CHMP3: variants seen among roughly 807,000 people sequenced by gnomAD.
The protein encoded by CHMP3 is charged multivesicular body protein 3, also known as 25.1 protein.
CHMP3 carries 8 observed loss-of-function variants against 27.4 expected under a neutral mutation model. The observed-to-expected ratio is 0.29, with a 90% CI of 0.17 to 0.53. CHMP3 has a LOEUF of 0.53. CHMP3 is among the 20% of genes least tolerant of loss of function. CHMP3 has a pLI of 0.96. For synonymous variants in CHMP3, 86 were observed against 85.5 expected (o/e 1.01, Z -0.03); for missense variants, 208 against 271.5 (o/e 0.77, Z 1.64).
intron 2 of CHMP3, among the ~76,000 whole-genome samples, chr2:86,538,837 C>T (rs544124310): frequency 8.5e-5 from 13 of 152,210 alleles, no homozygotes; most frequent in Non-Finnish European, 1.5e-4. Flanking sequence ...CTTTAAGTTG[C>T]TATTATTTTT....
intron 1 of CHMP3, among the ~76,000 whole-genome samples, chr2:86,547,269 G>A (rs954576723): frequency 4.6e-5 from 7 of 152,102 alleles, no homozygotes; most frequent in East Asian, 3.8e-4. Flanking sequence ...TTGATTGCAC[G>A]GAATACAAGA....
At chr2:86,562,981 G>C in intron 1 of CHMP3, 1 of 266,528 alleles carries the variant, frequency 3.8e-6, no homozygotes, top group East Asian at 7.0e-5. Flanking sequence ...AAAAGGTTCC[G>C]GGCGGGTCGT....
At chr2:86,556,798 C>A (rs1291478799) in intron 1 of CHMP3, among the ~76,000 whole-genome samples, 2 of 152,200 alleles carry the variant, frequency 1.3e-5, no homozygotes, top group Non-Finnish European at 2.9e-5. Context: ...TCCTCGGGGT[C>A]TGTGAGCAGC....
intron 1 of CHMP3, among the ~76,000 whole-genome samples, chr2:86,560,219 C>T (rs549322840): frequency 1.3e-5 from 2 of 151,908 alleles, no homozygotes; most frequent in African/African-American, 2.4e-5. Context: ...GAGCTGAGAT[C>T]GCGCCACTGC....
chr2:86,506,523 A>G (rs1409351518), intron 5 of CHMP3, among the ~76,000 whole-genome samples: 2 of 152,136 alleles, frequency 1.3e-5, no homozygotes, highest in Non-Finnish European at 2.9e-5. Flanking sequence ...ACATCATTCC[A>G]TGTTAACGAG....
chr2:86,563,213 G>A (rs745576510), intron 1 of CHMP3, 91 bp downstream of exon 1: 1 of 1,482,188 alleles, frequency 6.7e-7, no homozygotes, highest in African/African-American at 1.4e-5. Flanking sequence ...GTATCGGGCA[G>A]GCGGTGGGGA....
At chr2:86,555,138 G>A (rs1175762549) in intron 1 of CHMP3, among the ~76,000 whole-genome samples, 7 of 152,128 alleles carry the variant, frequency 4.6e-5, no homozygotes, top group Admixed American at 2.6e-4. Context: ...ATGAGCCACC[G>A]CTCCCGGCCT....
intron 3 of CHMP3, among the ~76,000 whole-genome samples, chr2:86,521,201 T>C (rs999481234): frequency 2.0e-5 from 3 of 152,010 alleles, no homozygotes; most frequent in African/African-American, 7.3e-5. Flanking sequence ...GACTCTCTTT[T>C]TGGACTCAGC....
At chr2:86,522,963 T>C (rs1416451410) in intron 3 of CHMP3, among the ~76,000 whole-genome samples, 1 of 152,212 alleles carries the variant, frequency 6.6e-6, no homozygotes, top group Non-Finnish European at 1.5e-5. Flanking sequence ...TGCCTTTGTA[T>C]ACCTAATCCC....
chr2:86,524,995 TAC>T (rs1035994413), intron 3 of CHMP3, among the ~76,000 whole-genome samples: 2 of 152,256 alleles, frequency 1.3e-5, no homozygotes, highest in African/African-American at 4.8e-5. Context: ...TCTACTTATT[TAC>T]AGAGTGCTAT....
intron 3 of CHMP3, among the ~76,000 whole-genome samples, chr2:86,525,482 G>A (rs1675666546): frequency 2.0e-5 from 3 of 150,568 alleles, no homozygotes; most frequent in South Asian, 4.2e-4. Flanking sequence ...GCAGTGAGCC[G>A]AGATGGCACC....
chr2:86,529,601 G>A (rs1335957795), intron 2 of CHMP3, among the ~76,000 whole-genome samples: 1 of 152,078 alleles, frequency 6.6e-6, no homozygotes, highest in African/African-American at 2.4e-5. Flanking sequence ...TATTATACTT[G>A]AATTTCTAAA....
chr2:86,506,224 TGAA>T (rs1350983357), intron 5 of CHMP3, among the ~76,000 whole-genome samples: 1 of 152,230 alleles, frequency 6.6e-6, no homozygotes, highest in Admixed American at 6.5e-5. Flanking sequence ...ATCTTCTTTC[TGAA>T]TAAAACTAAA....
At chr2:86,545,638 G>A (rs576623294) in intron 1 of CHMP3, among the ~76,000 whole-genome samples, 35 of 146,346 alleles carry the variant, frequency 2.4e-4, no homozygotes, top group South Asian at 2.2e-4. Context: ...GGGCAGAGGC[G>A]CTCCTCAGTT....
chr2:86,514,742 C>T (rs1341528184), intron 3 of CHMP3, among the ~76,000 whole-genome samples: 1 of 152,106 alleles, frequency 6.6e-6, no homozygotes, highest in Non-Finnish European at 1.5e-5. Context: ...TAGACTGAAA[C>T]AGAAATTCCT....
At chr2:86,525,161 T>C (rs1364555520) in intron 3 of CHMP3, among the ~76,000 whole-genome samples, 1 of 152,242 alleles carries the variant, frequency 6.6e-6, no homozygotes, top group Non-Finnish European at 1.5e-5. Flanking sequence ...GCAGTTCCCC[T>C]GTTACCAATA....
intron 1 of CHMP3, among the ~76,000 whole-genome samples, chr2:86,545,731 G>C (rs976963646): frequency 3.4e-5 from 5 of 146,160 alleles, no homozygotes; most frequent in Non-Finnish European, 6.0e-5. Flanking sequence ...ATCCCAGATG[G>C]GGCGGCTGGG....
At position 86,503,497 on chromosome 2, in the gene CHMP3, G is replaced by A. The variant is rs1361323861; in HGVS notation, c.*2307C>T. The stretch of plus-strand genomic sequence containing the variant: ...TAAAAACATGCCCATAGAAAAACCT[G>A]CACAAAGATGTTTACAACAGCTTTA... On this transcript the variant is annotated 3_prime_UTR_variant, in exon 6 of 6. Transcript: ENST00000263856. 1 of 152,116 alleles carries A rather than the reference G, an allele frequency of 6.6e-6. No homozygotes were observed. The highest frequency in any genetic ancestry group is 1.5e-5 in the Non-Finnish European group (1 of 68,024). The allele number at this position is 152,116 out of a possible 1,614,324, so 9.4% of individuals were successfully genotyped here.
In CHMP3 at chr2:86,507,620, G is replaced by A. The variant is rs576138809; in HGVS notation, c.409-27C>T. On this transcript the variant is annotated intron_variant, in intron 4 of 5. Coordinates refer to ENST00000263856, the MANE Select transcript of CHMP3 (RefSeq NM_016079.4). ...TAAACAGAATAAATATGTCACTTCGGTCAACTGTTAAATCTGTTCCCATCA... is the reference window on the plus strand; with the variant it reads ...TAAACAGAATAAATATGTCACTTCGATCAACTGTTAAATCTGTTCCCATCA... 1.2e-5 allele frequency: 19 copies of A among 1,598,982 alleles called. No homozygotes were observed. In the East Asian group the frequency reaches 3.6e-4, roughly 30 times the overall value.
Sources: gnomAD v4.1 joint callset for allele counts (sites outside exome capture counted in the v4.1 genomes callset) on GRCh38, gnomAD v4.1.1 for gene constraint, MANE v1.5 for transcripts, NCBI Gene and HGNC (gene_info 2026-07-23, HGNC 2026-07-21) for gene names.